PLCZ1: variants seen among roughly 807,000 people sequenced by gnomAD.
The protein encoded by PLCZ1 is phospholipase C zeta 1, also known as 1-phosphatidylinositol 4,5-bisphosphate phosphodiesterase zeta-1.
Under a neutral mutation model 76.8 loss-of-function variants are expected in PLCZ1, and 64 were observed. The ratio of observed to expected loss-of-function variants is 0.83; its 90% confidence interval spans 0.68 to 1.03. The LOEUF is 1.03. Among genes scored for constraint, PLCZ1 ranks in the 50% least tolerant of loss-of-function variants. The pLI is 0.00. For missense variants in PLCZ1, 751 were observed against 713.7 expected, an observed-to-expected ratio of 1.05 and a Z score of -0.60; for synonymous variants, 248 against 230.8, an observed-to-expected ratio of 1.07 and a Z score of -0.68.
chr12:18,665,246 T>C, the PLCZ1 span, among the ~76,000 whole-genome samples: 1 of 151,998 alleles, frequency 6.6e-6, no homozygotes, highest in Non-Finnish European at 1.5e-5. Flanking sequence ...TGAGGAGTTA[T>C]TGTTTAAAGG....
chr12:18,647,773 A>G, the PLCZ1 span: 24 of 539,458 alleles, frequency 4.4e-5, no homozygotes, highest in Non-Finnish European at 7.3e-5. Flanking sequence ...ATTCCAGGGT[A>G]TAAGATATTA....
At chr12:18,660,127 T>G in the PLCZ1 span, among the ~76,000 whole-genome samples, 58,091 of 152,004 alleles carry the variant, frequency 0.38, 13,805 homozygotes, top group South Asian at 0.59. Flanking sequence ...ACTGAAGGCT[T>G]GCTTGCACCT....
chr12:18,715,537 A>C (rs1049366513), intron 5 of PLCZ1: 1 of 151,910 alleles, frequency 6.6e-6, no homozygotes, highest in Non-Finnish European at 1.5e-5. Context: ...GAGTAGCTGG[A>C]ACTACAGGCG....
At position 18,730,585 on chromosome 12, in the gene PLCZ1, C is replaced by A. The variant is rs142523869; in HGVS notation, c.135+5636G>T. ...AATTAATATTATATTAATAGCCACTCCAGAAACACTTTGCTAAACAATAGA... is the reference window on the plus strand; with the variant it reads ...AATTAATATTATATTAATAGCCACTACAGAAACACTTTGCTAAACAATAGA... On this transcript the variant is annotated intron_variant, in intron 3 of 14. Coordinates refer to ENST00000266505, the MANE Select transcript of PLCZ1 (RefSeq NM_033123.4). Among the ~76,000 whole-genome samples, 784 of 152,114 alleles carry A rather than the reference C, an allele frequency of 5.2e-3. 4 individuals carry two copies. Among genetic ancestry groups the A allele is most frequent in the African/African-American group, 0.018 (737 of 41,518 alleles).
intron 3 of PLCZ1, among the ~76,000 whole-genome samples, chr12:18,728,843 C>T (rs1958894143): frequency 6.6e-6 from 1 of 151,956 alleles, no homozygotes. Context: ...GGATATGGTG[C>T]TATTTATTTT....
intron 3 of PLCZ1, among the ~76,000 whole-genome samples, chr12:18,726,464 T>G (rs1958757165): frequency 6.6e-6 from 1 of 152,144 alleles, no homozygotes; most frequent in Admixed American, 6.6e-5. Flanking sequence ...AGGTAGACAT[T>G]TTATTCTTTT....
intron 13 of PLCZ1, 97 bp downstream of exon 13, chr12:18,687,992 A>C: frequency 6.6e-7 from 1 of 1,504,656 alleles, no homozygotes; most frequent in Non-Finnish European, 9.0e-7. Flanking sequence ...TTGTCTTATG[A>C]ATAATAAATA....
At chr12:18,683,658 C>G (rs1952660484) in intron 14 of PLCZ1, 1 of 1,320,268 alleles carries the variant, frequency 7.6e-7, no homozygotes, top group East Asian at 4.4e-5. Flanking sequence ...CATATTGAGA[C>G]AAGGTAATTG....
intron 3 of PLCZ1, among the ~76,000 whole-genome samples, chr12:18,735,488 C>T (rs898394593): frequency 3.3e-5 from 5 of 152,158 alleles, no homozygotes; most frequent in Non-Finnish European, 7.3e-5. Flanking sequence ...GATCCTCCCA[C>T]CTTGGCCTCT....
chr12:18,681,512 T>C (rs542416032), downstream of PLCZ1, among the ~76,000 whole-genome samples: 333 of 152,186 alleles, frequency 2.2e-3, no homozygotes, highest in Admixed American at 5.4e-3. Context: ...TCTGGAGTTT[T>C]ACATGAATAA....
At chr12:18,655,808 CT>C in the PLCZ1 span, among the ~76,000 whole-genome samples, 1 of 92,894 alleles carries the variant, frequency 1.1e-5, no homozygotes, top group African/African-American at 4.1e-5. Context: ...CTACCAAATA[CT>C]TGACTAGTAC....
the PLCZ1 span, among the ~76,000 whole-genome samples, chr12:18,669,960 G>A: frequency 5.3e-5 from 8 of 152,006 alleles, no homozygotes; most frequent in Non-Finnish European, 8.8e-5. Context: ...GAGCCACCGC[G>A]CCCGGCCCTC....
chr12:18,663,654 A>C, the PLCZ1 span, among the ~76,000 whole-genome samples: 1 of 152,090 alleles, frequency 6.6e-6, no homozygotes, highest in Non-Finnish European at 1.5e-5. Flanking sequence ...AGAAAAAAAA[A>C]CATAGGACAA....
the PLCZ1 span, among the ~76,000 whole-genome samples, chr12:18,663,434 T>C: frequency 6.5e-3 from 991 of 152,226 alleles, 16 homozygotes; most frequent in African/African-American, 0.022. Flanking sequence ...ATAGGTAATG[T>C]AGAGATTATT....
At chr12:18,733,737 T>C (rs958685722) in intron 3 of PLCZ1, among the ~76,000 whole-genome samples, 7 of 152,190 alleles carry the variant, frequency 4.6e-5, no homozygotes, top group East Asian at 1.9e-4. Context: ...TTCCCCATTA[T>C]GTATTTTAGT....
the PLCZ1 span, among the ~76,000 whole-genome samples, chr12:18,650,293 T>TTCTCTC: frequency 7.5e-4 from 66 of 87,734 alleles, no homozygotes; most frequent in East Asian, 1.3e-3. Flanking sequence ...TAACCCAAAT[T>TTCTCTC]TCTCTCTCTC....
At position 18,690,383 on chromosome 12, in the gene PLCZ1, C is replaced by T. The variant is rs563560698; in HGVS notation, c.1462-2165G>A. Among the ~76,000 whole-genome samples, 9 of 152,118 alleles carry T rather than the reference C, an allele frequency of 5.9e-5. No individual in the cohort carries two copies. In the South Asian group the frequency reaches 8.3e-4, roughly 14 times the overall value. ...GGATTACAGTTGGATGCCACCATGC[C>T]CAGCTAAGTTTTTGTATGTTTAGTA... On this transcript the variant is annotated intron_variant, in intron 12 of 14. Transcript: ENST00000266505.
the PLCZ1 span, among the ~76,000 whole-genome samples, chr12:18,660,557 AACTGT>A: frequency 8.1e-4 from 124 of 152,244 alleles, no homozygotes; most frequent in African/African-American, 2.9e-3. Flanking sequence ...ATTAGAAAGT[AACTGT>A]GCATGCCCGG....
At chr12:18,715,649 CTGTT>C (rs1957900250) in intron 5 of PLCZ1, 1 of 152,060 alleles carries the variant, frequency 6.6e-6, no homozygotes, top group African/African-American at 2.4e-5. Context: ...GTTTTTGTGT[CTGTT>C]TTTGTTTTTG....
Sources: allele counts gnomAD v4.1 joint callset (sites outside exome capture counted in the v4.1 genomes callset), GRCh38; gene constraint gnomAD v4.1.1; transcripts MANE v1.5; gene names NCBI Gene and HGNC (gene_info 2026-07-23, HGNC 2026-07-21).